Variants in BRD4 observed in about 807,000 individuals in gnomAD.
BRD4 encodes bromodomain containing 4, also known as bromodomain-containing protein 4.
BRD4 carries 16 observed loss-of-function variants against 142.1 expected under a neutral mutation model. The ratio of observed to expected loss-of-function variants is 0.11; its 90% CI spans 0.08 to 0.17. The LOEUF is 0.17. Ranked by LOEUF, BRD4 falls within the 10% of genes least tolerant of loss-of-function variation. BRD4 has a pLI of 1.00. For synonymous variants in BRD4, 833 were observed against 707.5 expected (o/e 1.18, Z -2.82); for missense variants, 1,424 against 1,810.9 (o/e 0.79, Z 3.88).
intron 1 of BRD4, among the ~76,000 whole-genome samples, chr19:15,308,848 T>C (rs2145704925): frequency 6.6e-6 from 1 of 150,930 alleles, no homozygotes; most frequent in East Asian, 2.0e-4. Flanking sequence ...ACCCCGTCTC[T>C]ACTAAAAATA....
At position 15,318,469 on chromosome 19, in the gene BRD4, T is replaced by C. The variant is rs369707217; in HGVS notation, c.-35+13821A>G. 7.9e-5 allele frequency among the ~76,000 whole-genome samples: 12 copies of C among 152,332 alleles called. No homozygotes were observed. In the South Asian group the frequency reaches 2.3e-3, roughly 29 times the overall value. On this transcript the variant is annotated intron_variant, in intron 1 of 19. Transcript: ENST00000679869. ...TGAGGAGAAAGAGAGTGGCACTGTG[T>C]ACACTGCTTGGTGTAGCATGTCGAT...
intron 11 of BRD4, chr19:15,248,356 T>C (rs2047310618): frequency 4.7e-6 from 1 of 215,020 alleles, no homozygotes; most frequent in Non-Finnish European, 9.4e-6. Flanking sequence ...GAGGTGTCCA[T>C]GGGGCAGTCC....
In BRD4 at chr19:15,239,083, T is replaced by C. The variant is rs2145499635; in HGVS notation, c.3758A>G (p.Glu1253Gly). 6.2e-7 allele frequency: 1 copy of C among 1,603,372 alleles called. No homozygotes were observed. The highest frequency in any genetic ancestry group is 8.5e-7 in the Non-Finnish European group (1 of 1,178,128). The change falls in exon 18 of 20, where the codon GAG becomes GGG. Residue 1253 changes from glutamate (E) to glycine (G), a missense_variant. Around this residue, in one of 16 missense-constraint regions of BRD4, gnomAD observed 109 missense variants for 117.9 expected, o/e 0.92. Transcript: ENST00000679869. The surrounding 1 kb of genome is among the most constrained non-coding windows in gnomAD (Gnocchi z 7.4). ...AQAEHAEKEKERLRQERMRSR... is the reference protein window; with the variant it reads ...AQAEHAEKEKGRLRQERMRSR... ...CCTCATGCGCTCCTGCCGCAGCCGC[T>C]CCTTCTCCTTCTCAGCGTGCTCGGC...
At chr19:15,324,519 A>G (rs1467646047) in intron 1 of BRD4, among the ~76,000 whole-genome samples, 1 of 152,138 alleles carries the variant, frequency 6.6e-6, no homozygotes, top group Non-Finnish European at 1.5e-5. Context: ...AAATTACTCT[A>G]CCAAACTTTT....
chr19:15,239,541 G>A lies in BRD4; in HGVS notation c.3446-19C>T. ...TCCGGCCCTGGAACATAAACAGCCGGTGGGCCCTGGCCCACCTCACCCCAG... is the reference window on the plus strand; with the variant it reads ...TCCGGCCCTGGAACATAAACAGCCGATGGGCCCTGGCCCACCTCACCCCAG... On this transcript the variant is annotated intron_variant, in intron 16 of 19. Coordinates refer to ENST00000679869, the MANE Select transcript of BRD4 (RefSeq NM_001379291.1). The surrounding 1 kb of genome is among the most constrained non-coding windows in gnomAD (Gnocchi z 7.4). The A allele has an allele frequency of 6.2e-7, 1 of 1,602,956 alleles. No homozygotes were observed. The highest frequency in any genetic ancestry group is 8.5e-7 in the Non-Finnish European group (1 of 1,175,870).
At chr19:15,244,934 C>A in intron 11 of BRD4, 172 bp from the exon 12 acceptor site, 1 of 1,185,958 alleles carries the variant, frequency 8.4e-7, no homozygotes, top group Non-Finnish European at 1.2e-6. Flanking sequence ...GAGGGAGAGA[C>A]ATGCGAGGCA....
At chr19:15,301,029 C>T (rs1001799586) in intron 1 of BRD4, among the ~76,000 whole-genome samples, 4 of 152,232 alleles carry the variant, frequency 2.6e-5, no homozygotes, top group African/African-American at 9.6e-5. Context: ...AAACCATCCA[C>T]GTGTCCTTCA....
At chr19:15,249,455 A>T (rs572953380) in intron 11 of BRD4, among the ~76,000 whole-genome samples, 2 of 152,214 alleles carry the variant, frequency 1.3e-5, no homozygotes, top group South Asian at 4.1e-4. Flanking sequence ...TGCCTGGCTA[A>T]CCCTGGGTAG....
intron 1 of BRD4, among the ~76,000 whole-genome samples, chr19:15,311,315 A>C (rs980454987): frequency 1.3e-5 from 2 of 151,768 alleles, no homozygotes; most frequent in African/African-American, 4.8e-5. Flanking sequence ...AAAACAAAAA[A>C]CAGTAGGCAG....
chr19:15,273,217 C>A, intron 1 of BRD4, 84 bp from the exon 2 acceptor site: 1 of 1,380,942 alleles, frequency 7.2e-7, no homozygotes, highest in Non-Finnish European at 9.7e-7. Flanking sequence ...TGGCTGTGGT[C>A]TCCAAGGACT....
intron 1 of BRD4, among the ~76,000 whole-genome samples, chr19:15,316,621 A>T (rs1223215560): frequency 6.6e-6 from 1 of 152,226 alleles, no homozygotes; most frequent in African/African-American, 2.4e-5. Context: ...AAGAAAAAAT[A>T]GAAGTGAAAC....
chr19:15,302,121 T>C (rs1309613986), intron 1 of BRD4, among the ~76,000 whole-genome samples: 5 of 151,492 alleles, frequency 3.3e-5, no homozygotes, highest in East Asian at 3.9e-4. Flanking sequence ...GAGCCAAGAT[T>C]ACGCCACTGC....
intron 11 of BRD4, chr19:15,249,376 G>A (rs951305887): frequency 5.6e-6 from 9 of 1,608,416 alleles, no homozygotes; most frequent in African/African-American, 5.3e-5. Context: ...ACCGCAGACT[G>A]AGCCAACCTC....
intron 1 of BRD4, among the ~76,000 whole-genome samples, chr19:15,330,693 G>A (rs1053284858): frequency 4.6e-5 from 7 of 152,172 alleles, no homozygotes; most frequent in Admixed American, 2.0e-4. Context: ...CTTGAACCCA[G>A]GAGGCAGAGG....
chr19:15,306,980 T>C (rs2047919651), intron 1 of BRD4, among the ~76,000 whole-genome samples: 1 of 152,088 alleles, frequency 6.6e-6, no homozygotes, highest in Admixed American at 6.5e-5. Flanking sequence ...AAATTCTCAA[T>C]TTGTAAATAA....
intron 2 of BRD4, among the ~76,000 whole-genome samples, chr19:15,270,504 T>C (rs1289501800): frequency 6.6e-6 from 1 of 152,160 alleles, no homozygotes; most frequent in African/African-American, 2.4e-5. Context: ...TCTATCCCAG[T>C]GGAAATTTAA....
chr19:15,300,972 G>A (rs2047862297), intron 1 of BRD4, among the ~76,000 whole-genome samples: 1 of 152,198 alleles, frequency 6.6e-6, no homozygotes, highest in Admixed American at 6.5e-5. Context: ...ACAAAGAACT[G>A]CATGTGAATA....
intron 14 of BRD4, among the ~76,000 whole-genome samples, chr19:15,241,715 A>G (rs1015338515): frequency 2.0e-5 from 3 of 151,638 alleles, no homozygotes; most frequent in African/African-American, 7.3e-5. Flanking sequence ...GCACAGCCGC[A>G]CAGCTGCCAG....
chr19:15,244,180 A>G lies in BRD4; in HGVS notation c.2581+51T>C, dbSNP rs992460995. 7 of 1,535,954 alleles carry G rather than the reference A, an allele frequency of 4.6e-6. No homozygotes were observed. The Admixed American group carries it at 1.4e-4, about 30-fold the overall frequency. ...AGAGTGCTCGGACACCACATGGGTA[A>G]ACCGAGGCAGGAAGGGGTCTCAACC... On this transcript the variant is annotated intron_variant, in intron 13 of 19. Coordinates refer to ENST00000679869, the MANE Select transcript of BRD4 (RefSeq NM_001379291.1).
Sources: gnomAD v4.1 joint callset for allele counts (sites outside exome capture counted in the v4.1 genomes callset) on GRCh38, gnomAD v4.1.1 for gene constraint, gnomAD v4.1.1 regional missense constraint, Gnocchi (gnomAD v3.1) non-coding constraint, MANE v1.5 for transcripts, NCBI Gene and HGNC (gene_info 2026-07-23, HGNC 2026-07-21) for gene names.